The following LRRC28 variants were observed in gnomAD, a reference collection of about 807,000 sequenced individuals.
LRRC28 encodes leucine-rich repeat-containing protein 28.
Under a neutral mutation model 45.7 loss-of-function variants are expected in LRRC28, and 39 were observed. That is an observed-to-expected ratio of 0.85 (90% confidence interval 0.66 to 1.12). The LOEUF (loss-of-function observed/expected upper bound fraction) is 1.12, where lower values mean the gene tolerates loss of function less well. Among genes scored for constraint, LRRC28 ranks in the 50% most tolerant of loss-of-function variants. The pLI is 0.00. For missense variants in LRRC28, 435 were observed against 438.5 expected, an observed-to-expected ratio of 0.99 and a Z score of 0.07; for synonymous variants, 206 against 178.8, an observed-to-expected ratio of 1.15 and a Z score of -1.22.
At chr15:99,330,114 T>C (rs530293909) in intron 5 of LRRC28, among the ~76,000 whole-genome samples, 1 of 152,322 alleles carries the variant, frequency 6.6e-6, no homozygotes, top group South Asian at 2.1e-4. Flanking sequence ...TCGAGAATTA[T>C]ACTTTTGGGA....
chr15:99,342,282 G>A (rs966279324), intron 6 of LRRC28, among the ~76,000 whole-genome samples: 3 of 152,144 alleles, frequency 2.0e-5, no homozygotes, highest in Non-Finnish European at 4.4e-5. Context: ...AGCCCCCGGG[G>A]AATCCTGCTA....
At chr15:99,327,566 A>T (rs1956026708) in intron 5 of LRRC28, among the ~76,000 whole-genome samples, 1 of 151,878 alleles carries the variant, frequency 6.6e-6, no homozygotes, top group African/African-American at 2.4e-5. Flanking sequence ...TTTTGTTCCT[A>T]GTTTTCCTAA....
At chr15:99,382,897 G>A (rs1043673709) in intron 9 of LRRC28, among the ~76,000 whole-genome samples, 2 of 151,916 alleles carry the variant, frequency 1.3e-5, no homozygotes, top group Non-Finnish European at 2.9e-5. Flanking sequence ...AGGTATTGAA[G>A]TCCCCAATTC....
intron 5 of LRRC28, among the ~76,000 whole-genome samples, chr15:99,333,268 G>A (rs997382092): frequency 1.3e-5 from 2 of 152,212 alleles, no homozygotes; most frequent in African/African-American, 2.4e-5. Context: ...GGGAATTTTG[G>A]AGTAAATGGA....
chr15:99,328,658 G>A (rs117457602), intron 5 of LRRC28, among the ~76,000 whole-genome samples: 2,430 of 149,352 alleles, frequency 0.016, 28 homozygotes, highest in Non-Finnish European at 0.026. Flanking sequence ...AGTGGACTAG[G>A]TAGGGAAAAT....
intron 5 of LRRC28, among the ~76,000 whole-genome samples, chr15:99,330,478 A>G (rs999390554): frequency 6.6e-6 from 1 of 152,146 alleles, no homozygotes; most frequent in Non-Finnish European, 1.5e-5. Context: ...CCATTTTACT[A>G]TTATGAAATA....
intron 2 of LRRC28, among the ~76,000 whole-genome samples, chr15:99,260,834 T>G (rs2081176718): frequency 6.6e-6 from 1 of 152,222 alleles, no homozygotes; most frequent in African/African-American, 2.4e-5. Context: ...TGTTATTGCT[T>G]AATTGGCCTT....
intron 5 of LRRC28, among the ~76,000 whole-genome samples, chr15:99,305,153 T>C (rs1397286765): frequency 6.6e-6 from 1 of 152,168 alleles, no homozygotes; most frequent in African/African-American, 2.4e-5. Context: ...TAAATACGTA[T>C]ATATAAAAGG....
intron 9 of LRRC28, among the ~76,000 whole-genome samples, chr15:99,375,031 A>T (rs886861285): frequency 6.6e-6 from 1 of 152,202 alleles, no homozygotes. Flanking sequence ...TGTGTTAACT[A>T]TAATAATACA....
At chr15:99,363,397 T>G in intron 9 of LRRC28, 132 bp downstream of exon 9, 1 of 894,606 alleles carries the variant, frequency 1.1e-6, no homozygotes. Flanking sequence ...GAGAAACAGC[T>G]AAATGAAACG....
chr15:99,357,841 T>C (rs370722006), intron 7 of LRRC28, among the ~76,000 whole-genome samples: 9 of 152,140 alleles, frequency 5.9e-5, no homozygotes, highest in South Asian at 4.1e-4. Flanking sequence ...ATGAATTCTG[T>C]AGCCACATAT....
At chr15:99,264,626 TAG>T (rs1047569361) in intron 2 of LRRC28, among the ~76,000 whole-genome samples, 3 of 152,328 alleles carry the variant, frequency 2.0e-5, no homozygotes, top group African/African-American at 7.2e-5. Context: ...AGAGGACCTC[TAG>T]TAAACAGATG....
At chr15:99,305,468 T>C (rs1955149433) in intron 5 of LRRC28, among the ~76,000 whole-genome samples, 1 of 152,248 alleles carries the variant, frequency 6.6e-6, no homozygotes, top group Non-Finnish European at 1.5e-5. Flanking sequence ...AAATGAATGC[T>C]ACTTTGAAAT....
At chr15:99,379,688 A>G (rs1222601535) in intron 9 of LRRC28, among the ~76,000 whole-genome samples, 2 of 152,128 alleles carry the variant, frequency 1.3e-5, no homozygotes, top group Non-Finnish European at 2.9e-5. Flanking sequence ...AGTGCTATAA[A>G]TTTCCCTCTA....
At chr15:99,261,098 C>T (rs1182923512) in intron 2 of LRRC28, among the ~76,000 whole-genome samples, 1 of 152,134 alleles carries the variant, frequency 6.6e-6, no homozygotes, top group Non-Finnish European at 1.5e-5. Flanking sequence ...CGCTCAAAGC[C>T]GTGTAGTGGC....
chr15:99,384,745 C>T (rs974037837), intron 9 of LRRC28: 6 of 152,194 alleles, frequency 3.9e-5, no homozygotes, highest in Non-Finnish European at 8.8e-5. Flanking sequence ...ATGATGCCAC[C>T]ACATGCTACA....
At chr15:99,365,521 A>T (rs1369920545) in intron 9 of LRRC28, among the ~76,000 whole-genome samples, 1 of 152,228 alleles carries the variant, frequency 6.6e-6, no homozygotes, top group Non-Finnish European at 1.5e-5. Context: ...AGTTTCTACC[A>T]TAGTCTTAAA....
chr15:99,268,824 T>G (rs577357469), intron 2 of LRRC28, among the ~76,000 whole-genome samples: 1 of 152,350 alleles, frequency 6.6e-6, no homozygotes, highest in Non-Finnish European at 1.5e-5. Context: ...AAAATCATAC[T>G]TATGGCATGT....
At chr15:99,334,948 A>G (rs971052507) in intron 6 of LRRC28, among the ~76,000 whole-genome samples, 3 of 152,200 alleles carry the variant, frequency 2.0e-5, no homozygotes, top group African/African-American at 7.2e-5. Context: ...TGCACATATT[A>G]TTTTCAATTT....
Sources: gnomAD v4.1 joint callset for allele counts (sites outside exome capture counted in the v4.1 genomes callset) on GRCh38, gnomAD v4.1.1 for gene constraint, MANE v1.5 for transcripts, NCBI Gene and HGNC (gene_info 2026-07-23, HGNC 2026-07-21) for gene names.